Variants in DLGAP2 observed in about 807,000 individuals in gnomAD.
The protein encoded by DLGAP2 is disks large-associated protein 2.
In DLGAP2, 26 loss-of-function variants were observed where a neutral mutation model predicts 100.3. The observed-to-expected ratio is 0.26, with a 90% confidence interval of 0.19 to 0.36. The LOEUF (loss-of-function observed/expected upper bound fraction) is 0.36, where lower values mean the gene tolerates loss of function less well. DLGAP2 is among the 10% of genes least tolerant of loss of function. The probability of loss-of-function intolerance (pLI) is 1.00; values close to 1 mark genes in which losing one functional copy is unlikely to be tolerated. For synonymous variants in DLGAP2, 886 were observed against 630.1 expected (o/e 1.41, Z -6.08); for missense variants, 1,858 against 1,453.2 (o/e 1.28, Z -4.53).
At chr8:1,601,477 G>A (rs1191465578) in intron 6 of DLGAP2, among the ~76,000 whole-genome samples, 3 of 152,294 alleles carry the variant, frequency 2.0e-5, no homozygotes, top group Non-Finnish European at 2.9e-5. Context: ...ACCCACAGCC[G>A]CCCCTTCCCC....
At chr8:1,463,749 C>T (rs1241765626) in intron 3 of DLGAP2, among the ~76,000 whole-genome samples, 2 of 152,250 alleles carry the variant, frequency 1.3e-5, no homozygotes, top group African/African-American at 4.8e-5. Flanking sequence ...GGCCCAGGCC[C>T]TCCTCCGTCA....
chr8:746,284 T>C (rs562213449), intron 1 of DLGAP2, among the ~76,000 whole-genome samples: 39 of 152,376 alleles, frequency 2.6e-4, no homozygotes, highest in African/African-American at 7.5e-4. Context: ...ACGTTTCCTA[T>C]GTGCTGGGCA....
At chr8:748,300 C>T (rs1253538633) in intron 1 of DLGAP2, among the ~76,000 whole-genome samples, 2 of 142,866 alleles carry the variant, frequency 1.4e-5, no homozygotes, top group African/African-American at 2.6e-5. Context: ...GGTGGTGGCT[C>T]CGTGGGGGAC....
intron 2 of DLGAP2, among the ~76,000 whole-genome samples, chr8:1,257,142 T>C (rs1180558763): frequency 1.3e-5 from 2 of 152,118 alleles, no homozygotes; most frequent in Non-Finnish European, 2.9e-5. Flanking sequence ...GAGAGCTCAG[T>C]AGAGCTGTCA....
chr8:949,405 C>T (rs927778113), intron 2 of DLGAP2, among the ~76,000 whole-genome samples: 7 of 152,232 alleles, frequency 4.6e-5, no homozygotes, highest in Admixed American at 1.3e-4. Flanking sequence ...CTGGGGCCGC[C>T]CAGGAGTGAA....
intron 1 of DLGAP2, among the ~76,000 whole-genome samples, chr8:890,253 C>A (rs564161380): frequency 3.3e-5 from 5 of 152,240 alleles, no homozygotes; most frequent in African/African-American, 1.2e-4. Context: ...TTAAGAAAAG[C>A]CGTCTAGGAT....
Position 1,093,694 on chromosome 8 carries a change from ACTTCACACCAACAGCCAGAAACAC to A in DLGAP2, c.74-165148_74-165125del, listed in dbSNP as rs1217361249. 3.0e-5 allele frequency among the ~76,000 whole-genome samples: 4 copies of A among 133,700 alleles called. No individual in the cohort carries two copies. The East Asian group carries it at 9.3e-4, about 31-fold the overall frequency. The allele number at this position is 133,700 out of a possible 152,430, so 87.7% of individuals were successfully genotyped here. ...TCACACCAACAGCCAGACAGAAACAACTTCACACCAACAGCCAGAAACACCTTCACACTGACAGCCAGACAGGTG... is the reference window on the plus strand; with the variant it reads ...TCACACCAACAGCCAGACAGAAACAACTTCACACTGACAGCCAGACAGGTG... On this transcript the variant is annotated intron_variant, in intron 2 of 14. Coordinates refer to ENST00000637795, the MANE Select transcript of DLGAP2 (RefSeq NM_001346810.2).
At chr8:971,579 G>A (rs1024998546) in intron 2 of DLGAP2, among the ~76,000 whole-genome samples, 1 of 152,196 alleles carries the variant, frequency 6.6e-6, no homozygotes, top group Non-Finnish European at 1.5e-5. Context: ...TGAGAGAGAA[G>A]ACTCTGGAGA....
intron 2 of DLGAP2, among the ~76,000 whole-genome samples, chr8:1,130,351 T>A (rs1796264112): frequency 6.6e-6 from 1 of 152,190 alleles, no homozygotes; most frequent in African/African-American, 2.4e-5. Context: ...TCTCATTTAT[T>A]ATTCAAAAAA....
chr8:1,407,419 C>G (rs1227010125), intron 3 of DLGAP2, among the ~76,000 whole-genome samples: 5 of 128,186 alleles, frequency 3.9e-5, no homozygotes, highest in Admixed American at 7.6e-5. Flanking sequence ...GCGCCACCTC[C>G]TTGTCCTCCA....
intron 1 of DLGAP2, among the ~76,000 whole-genome samples, chr8:841,179 C>A (rs1375366787): frequency 2.6e-5 from 4 of 152,108 alleles, no homozygotes; most frequent in Non-Finnish European, 4.4e-5. Flanking sequence ...CGATTCTTCC[C>A]CTGAATTTAA....
intron 13 of DLGAP2, among the ~76,000 whole-genome samples, chr8:1,694,622 A>T (rs1799334219): frequency 6.6e-6 from 1 of 152,136 alleles, no homozygotes; most frequent in Non-Finnish European, 1.5e-5. Flanking sequence ...ATTCACACCC[A>T]CTGAGCCTGC....
intron 1 of DLGAP2, chr8:739,528 C>T (rs945368524): frequency 6.6e-6 from 1 of 152,378 alleles, no homozygotes; most frequent in Middle Eastern, 3.4e-3. Flanking sequence ...CACCTTACAC[C>T]ATTTTCATTT....
intron 2 of DLGAP2, among the ~76,000 whole-genome samples, chr8:1,102,971 C>T (rs933630932): frequency 1.3e-5 from 2 of 151,274 alleles, no homozygotes; most frequent in African/African-American, 4.9e-5. Flanking sequence ...CCGGGGTCTT[C>T]ATGAGATTCT....
intron 2 of DLGAP2, among the ~76,000 whole-genome samples, chr8:1,247,333 T>C (rs1798933544): frequency 7.1e-6 from 1 of 140,320 alleles, no homozygotes; most frequent in Non-Finnish European, 1.5e-5. Flanking sequence ...ATGGTCCACA[T>C]CGGTGGCCAG....
intron 3 of DLGAP2, among the ~76,000 whole-genome samples, chr8:1,330,163 A>G (rs1801115914): frequency 6.6e-6 from 1 of 151,824 alleles, no homozygotes; most frequent in South Asian, 2.1e-4. Flanking sequence ...AGGAGCCAAC[A>G]GGTGCTGGCC....
chr8:830,710 T>C (rs1440059929), intron 1 of DLGAP2, among the ~76,000 whole-genome samples: 23 of 152,348 alleles, frequency 1.5e-4, no homozygotes, highest in East Asian at 1.9e-4. Context: ...GTTTATTTTA[T>C]TCTTTTGAAA....
At chr8:806,484 G>T (rs558119139) in intron 1 of DLGAP2, among the ~76,000 whole-genome samples, 7 of 152,308 alleles carry the variant, frequency 4.6e-5, no homozygotes, top group Admixed American at 1.3e-4. Context: ...GTATGGAGAG[G>T]TAGGGCTCCC....
At chr8:1,413,127 A>T (rs188026856) in intron 3 of DLGAP2, among the ~76,000 whole-genome samples, 1 of 152,030 alleles carries the variant, frequency 6.6e-6, no homozygotes, top group Non-Finnish European at 1.5e-5. Context: ...TTTGTGTTCT[A>T]TTTGCCCCTC....
Sources: gnomAD v4.1 joint callset for allele counts (sites outside exome capture counted in the v4.1 genomes callset) on GRCh38, gnomAD v4.1.1 for gene constraint, MANE v1.5 for transcripts, NCBI Gene and HGNC (gene_info 2026-07-23, HGNC 2026-07-21) for gene names.